Variants in PACRG observed in about 807,000 individuals in gnomAD.
The protein encoded by PACRG is parkin coregulated, also known as parkin coregulated gene protein.
Under a neutral mutation model 29.7 loss-of-function variants are expected in PACRG, and 29 were observed. That is an observed-to-expected ratio of 0.98 (90% confidence interval 0.73 to 1.33). PACRG has a LOEUF of 1.33. PACRG is among the 40% of genes most tolerant of loss of function. The pLI is 0.00. For synonymous variants in PACRG, 116 were observed against 118.7 expected, an observed-to-expected ratio of 0.98 and a Z score of 0.15; for missense variants, 279 against 316.2, an observed-to-expected ratio of 0.88 and a Z score of 0.89.
intron 4 of PACRG, among the ~76,000 whole-genome samples, chr6:163,259,708 C>T (rs1046265850): frequency 6.6e-6 from 1 of 152,204 alleles, no homozygotes; most frequent in Non-Finnish European, 1.5e-5. Flanking sequence ...TCTTAGCCTT[C>T]ATCTCTCTAC....
At chr6:163,182,498 A>G (rs535622697) in intron 4 of PACRG, 8 of 152,362 alleles carry the variant, frequency 5.3e-5, no homozygotes, top group South Asian at 2.1e-4. Context: ...CAGTCACAAG[A>G]GTCATGATAG....
At chr6:162,841,617 T>C (rs1179214488) in intron 2 of PACRG, among the ~76,000 whole-genome samples, 1 of 150,192 alleles carries the variant, frequency 6.7e-6, no homozygotes, top group Non-Finnish European at 1.5e-5. Context: ...CTGATTTTAG[T>C]TATTTCTTGC....
chr6:162,910,835 C>A (rs1796251850), intron 2 of PACRG, among the ~76,000 whole-genome samples: 1 of 152,138 alleles, frequency 6.6e-6, no homozygotes, highest in African/African-American at 2.4e-5. Flanking sequence ...CAGATTAGTT[C>A]AGAGAGCCCA....
intron 4 of PACRG, among the ~76,000 whole-genome samples, chr6:163,302,141 T>C (rs1785027402): frequency 6.6e-6 from 1 of 152,254 alleles, no homozygotes; most frequent in African/African-American, 2.4e-5. Context: ...AGCTTCAGTG[T>C]CTATTGTGCA....
intron 2 of PACRG, among the ~76,000 whole-genome samples, chr6:162,942,460 T>C (rs1437768026): frequency 6.6e-6 from 1 of 152,158 alleles, no homozygotes; most frequent in Admixed American, 6.5e-5. Context: ...TGACACTTCA[T>C]CCAGTTCTTT....
At chr6:162,759,959 G>A (rs1052257445) in intron 1 of PACRG, among the ~76,000 whole-genome samples, 1 of 152,182 alleles carries the variant, frequency 6.6e-6, no homozygotes, top group Admixed American at 6.5e-5. Context: ...AGCAAGTGAA[G>A]CAAGAGGGCA....
chr6:163,071,030 C>T (rs1811995797), intron 3 of PACRG, among the ~76,000 whole-genome samples: 1 of 152,052 alleles, frequency 6.6e-6, no homozygotes, highest in African/African-American at 2.4e-5. Flanking sequence ...AATACTGGAG[C>T]ACCCAGATAG....
At chr6:162,988,598 G>T (rs1464968797) in intron 2 of PACRG, among the ~76,000 whole-genome samples, 1 of 152,116 alleles carries the variant, frequency 6.6e-6, no homozygotes, top group Admixed American at 6.6e-5. Flanking sequence ...TTGGAAATTG[G>T]TAAATTTTAA....
intron 1 of PACRG, among the ~76,000 whole-genome samples, chr6:162,791,184 C>T (rs1029113618): frequency 1.3e-5 from 2 of 152,070 alleles, no homozygotes; most frequent in African/African-American, 4.8e-5. Context: ...AGCAGCCTCC[C>T]TATTACATAG....
chr6:163,305,689 T>A (rs1472145757), intron 4 of PACRG, among the ~76,000 whole-genome samples: 1 of 152,216 alleles, frequency 6.6e-6, no homozygotes, highest in Non-Finnish European at 1.5e-5. Flanking sequence ...TTGATTTTTG[T>A]CATCCTGCCT....
intron 4 of PACRG, among the ~76,000 whole-genome samples, chr6:163,171,491 G>C (rs938630806): frequency 6.6e-6 from 1 of 152,290 alleles, no homozygotes; most frequent in East Asian, 1.9e-4. Flanking sequence ...AGCTCAGAGC[G>C]GTTAAGCAAT....
At chr6:162,899,823 A>AGG (rs1795428660) in intron 2 of PACRG, among the ~76,000 whole-genome samples, 2 of 152,126 alleles carry the variant, frequency 1.3e-5, no homozygotes, top group African/African-American at 4.8e-5. Flanking sequence ...ACGTTTATTG[A>AGG]GGTATTTACT....
chr6:162,909,056 T>C (rs954150018), intron 2 of PACRG, among the ~76,000 whole-genome samples: 3 of 152,316 alleles, frequency 2.0e-5, no homozygotes, highest in African/African-American at 7.2e-5. Context: ...CCTCTTGACC[T>C]AACTTCTTCC....
intron 2 of PACRG, among the ~76,000 whole-genome samples, chr6:162,995,618 C>G (rs1036797386): frequency 6.6e-6 from 1 of 152,264 alleles, no homozygotes; most frequent in Non-Finnish European, 1.5e-5. Context: ...GTGCGTGCAC[C>G]CACTGGCCTG....
intron 3 of PACRG, among the ~76,000 whole-genome samples, chr6:163,073,547 A>G (rs1230792700): frequency 1.3e-5 from 2 of 152,202 alleles, no homozygotes; most frequent in Admixed American, 1.3e-4. Flanking sequence ...ACAATACCTG[A>G]CAAGCACAGG....
At chr6:163,248,261 G>A (rs996148962) in intron 4 of PACRG, among the ~76,000 whole-genome samples, 3 of 152,136 alleles carry the variant, frequency 2.0e-5, no homozygotes, top group Non-Finnish European at 2.9e-5. Flanking sequence ...TTCAGCTGTC[G>A]CTGAGAATCA....
intron 4 of PACRG, among the ~76,000 whole-genome samples, chr6:163,171,998 C>A (rs1029601582): frequency 2.0e-5 from 3 of 152,232 alleles, no homozygotes; most frequent in African/African-American, 4.8e-5. Context: ...AGTTAATGGA[C>A]CTGCCCCCAG....
chr6:162,896,673 A>G (rs1481802066), intron 2 of PACRG, among the ~76,000 whole-genome samples: 3 of 152,384 alleles, frequency 2.0e-5, no homozygotes, highest in Non-Finnish European at 4.4e-5. Flanking sequence ...AATTATATGA[A>G]ACATGTATCA....
At chr6:163,112,617 T>C (rs1385747257) in intron 4 of PACRG, among the ~76,000 whole-genome samples, 1 of 152,030 alleles carries the variant, frequency 6.6e-6, no homozygotes, top group Non-Finnish European at 1.5e-5. Context: ...TTAAAAGCAA[T>C]CACATGTGCA....
Sources: allele counts gnomAD v4.1 joint callset (sites outside exome capture counted in the v4.1 genomes callset), GRCh38; gene constraint gnomAD v4.1.1; transcripts MANE v1.5; gene names NCBI Gene and HGNC (gene_info 2026-07-23, HGNC 2026-07-21).